Variants in SLC25A28 observed in about 807,000 individuals in gnomAD.
SLC25A28 encodes solute carrier family 25 member 28, also known as mitoferrin-2.
Under a neutral mutation model 31.9 loss-of-function variants are expected in SLC25A28, and 10 were observed. The observed-to-expected ratio is 0.31, with a 90% CI of 0.19 to 0.53. The LOEUF is 0.53. SLC25A28 is among the 20% of genes least tolerant of loss of function. The probability of loss-of-function intolerance (pLI) is 0.95; values close to 1 mark genes in which losing one functional copy is unlikely to be tolerated. For synonymous variants in SLC25A28, 208 were observed against 203.6 expected, an observed-to-expected ratio of 1.02 and a Z score of -0.19; for missense variants, 256 against 490.3, an observed-to-expected ratio of 0.52 and a Z score of 4.51.
chr10:99,648,920 T>C, the SLC25A28 span, among the ~76,000 whole-genome samples: 21 of 152,308 alleles, frequency 1.4e-4, no homozygotes, highest in East Asian at 3.3e-3. Context: ...TAATTTGACT[T>C]CCTCTTTTCC....
At chr10:99,616,794 T>C (rs919882043) in intron 1 of SLC25A28, 5 of 964,186 alleles carry the variant, frequency 5.2e-6, no homozygotes, top group Admixed American at 6.1e-5. Context: ...TGTGTGACCT[T>C]GGACAAGTTA....
the SLC25A28 span, among the ~76,000 whole-genome samples, chr10:99,651,376 A>T: frequency 1.3e-5 from 2 of 152,102 alleles, no homozygotes; most frequent in Admixed American, 6.5e-5. Context: ...TTATTTGGTG[A>T]AGTGCACAAA....
rs369136642 is a variant in SLC25A28 at position 99,610,978 on chromosome 10, G to A, written c.966C>T (p.Thr322=). 2.5e-5 allele frequency: 41 copies of A among 1,614,046 alleles called. No homozygotes were observed. Among genetic ancestry groups the A allele is most frequent in the South Asian group, 4.4e-5 (4 of 91,088 alleles). The change falls in exon 4 of 4, where the codon ACC becomes ACT. Residue 322 remains threonine, a synonymous_variant. Transcript: ENST00000370495. ...TGGCCTGCACCCCTCGGAAATAGGC[G>A]GTCACCCCACCTACTTGATATACCG... The part of the protein sequence containing the change: ...FRTVYQVGGV[T]AYFRGVQARV...
the SLC25A28 span, among the ~76,000 whole-genome samples, chr10:99,633,276 A>G: frequency 6.6e-6 from 1 of 152,184 alleles, no homozygotes; most frequent in Non-Finnish European, 1.5e-5. Context: ...CCCAACACTC[A>G]TACCTGGTCT....
At chr10:99,650,265 C>A in the SLC25A28 span, among the ~76,000 whole-genome samples, 1 of 152,164 alleles carries the variant, frequency 6.6e-6, no homozygotes, top group Non-Finnish European at 1.5e-5. Flanking sequence ...ACAGCCTCAA[C>A]CTCCTGGGCT....
At chr10:99,640,338 A>G in the SLC25A28 span, among the ~76,000 whole-genome samples, 1 of 152,240 alleles carries the variant, frequency 6.6e-6, no homozygotes, top group African/African-American at 2.4e-5. Flanking sequence ...CAAGTTGATT[A>G]TGGCTATTGG....
At chr10:99,619,983 C>T (rs2034744927) in intron 1 of SLC25A28, 62 bp downstream of exon 1, 2 of 1,461,272 alleles carry the variant, frequency 1.4e-6, no homozygotes, top group South Asian at 1.3e-5. Context: ...ATCCTGGCTC[C>T]GGACAAGACC....
chr10:99,659,181 G>A, the SLC25A28 span, among the ~76,000 whole-genome samples: 59 of 152,356 alleles, frequency 3.9e-4, no homozygotes, highest in South Asian at 0.012. The surrounding 1 kb of genome is among the most constrained non-coding windows in gnomAD (Gnocchi z 4.1). Context: ...CGTGGAGAAA[G>A]CAACCAGCCG....
chr10:99,649,474 T>C, the SLC25A28 span, among the ~76,000 whole-genome samples: 1 of 152,236 alleles, frequency 6.6e-6, no homozygotes, highest in Admixed American at 6.5e-5. Flanking sequence ...GTAGAATGAG[T>C]TAAGGAGACT....
the SLC25A28 span, among the ~76,000 whole-genome samples, chr10:99,648,694 T>TG: frequency 2.0e-5 from 3 of 151,288 alleles, no homozygotes; most frequent in South Asian, 4.2e-4. Flanking sequence ...AGGTTTTTTT[T>TG]TTTTTTTTTT....
At chr10:99,619,342 G>T (rs190549453) in intron 1 of SLC25A28, 1 of 985,338 alleles carries the variant, frequency 1.0e-6, no homozygotes, top group Non-Finnish European at 1.2e-6. Context: ...CATCTCTCTT[G>T]TTTGGAGGCT....
At chr10:99,643,573 T>C in the SLC25A28 span, among the ~76,000 whole-genome samples, 1 of 152,224 alleles carries the variant, frequency 6.6e-6, no homozygotes, top group Admixed American at 6.5e-5. Context: ...CCTTCAGTTC[T>C]GCTCTGATCT....
the SLC25A28 span, among the ~76,000 whole-genome samples, chr10:99,646,193 T>C: frequency 2.0e-5 from 3 of 152,202 alleles, no homozygotes; most frequent in Non-Finnish European, 2.9e-5. Context: ...CTCCTTGAGA[T>C]GTGGTTGGCT....
the SLC25A28 span, among the ~76,000 whole-genome samples, chr10:99,650,495 A>C: frequency 6.6e-6 from 1 of 152,094 alleles, no homozygotes; most frequent in East Asian, 1.9e-4. Context: ...CAGCTGCATC[A>C]GTCTGAACTC....
the SLC25A28 span, among the ~76,000 whole-genome samples, chr10:99,631,878 AT>A: frequency 1.5e-4 from 14 of 92,898 alleles, no homozygotes; most frequent in African/African-American, 2.5e-4. Flanking sequence ...TCAGTATGTT[AT>A]TTTTTTTTTT....
At chr10:99,627,672 G>C in the SLC25A28 span, among the ~76,000 whole-genome samples, 1 of 151,966 alleles carries the variant, frequency 6.6e-6, no homozygotes, top group Non-Finnish European at 1.5e-5. Flanking sequence ...AAACTCCTGA[G>C]CTCAAGTGAT....
intron 1 of SLC25A28, chr10:99,615,716 A>T: frequency 1.0e-6 from 1 of 985,466 alleles, no homozygotes; most frequent in Middle Eastern, 5.2e-4. Flanking sequence ...AGAGTTGTTC[A>T]TAGAGACTAC....
chr10:99,650,392 C>T, the SLC25A28 span, among the ~76,000 whole-genome samples: 4 of 152,120 alleles, frequency 2.6e-5, no homozygotes, highest in South Asian at 8.3e-4. Flanking sequence ...GTTGTCCAGG[C>T]TGGTTTTGAA....
Position 99,620,108 on chromosome 10 carries a change from C to A in SLC25A28, c.228G>T (p.Met76Ile). Residue 76 changes from methionine to isoleucine, a missense_variant, in exon 1 of 4, where the codon ATG becomes ATT. Met to Ile is a conservative substitution (Grantham distance 10). This residue lies in a region of SLC25A28 where 41 missense variants were observed against 41.7 expected (regional missense o/e 0.98). Coordinates refer to ENST00000370495, the MANE Select transcript of SLC25A28 (RefSeq NM_031212.4). ...GGATCCCTGCCACGGCGCCTGCCAC[C>A]ATGTGCGTGGTGACAGTGGCTCCAG... is the stretch of plus-strand genomic sequence containing the variant. ...LPAGATVTTH[M>I]VAGAVAGILE... 1 of 1,586,112 alleles carries A rather than the reference C, an allele frequency of 6.3e-7. No individual in the cohort carries two copies.
Sources: allele counts gnomAD v4.1 joint callset (sites outside exome capture counted in the v4.1 genomes callset), GRCh38; gene constraint gnomAD v4.1.1; regional missense constraint gnomAD v4.1.1; non-coding constraint Gnocchi (gnomAD v3.1); transcripts MANE v1.5; gene names NCBI Gene and HGNC (gene_info 2026-07-23, HGNC 2026-07-21).